The following DTD1 variants were observed in gnomAD, a reference collection of about 807,000 sequenced individuals.
The protein encoded by DTD1 is D-tyrosyl-tRNA deacylase 1 homolog.
DTD1 carries 13 observed loss-of-function variants against 25.6 expected under a neutral mutation model. The observed-to-expected ratio is 0.51, with a 90% CI of 0.33 to 0.81. DTD1 has a LOEUF of 0.81. Among genes scored for constraint, DTD1 ranks in the 30% least tolerant of loss-of-function variants. DTD1 has a pLI of 0.02. For missense variants in DTD1, 193 were observed against 266.4 expected (o/e 0.72, Z 1.92); for synonymous variants, 110 against 103.6 (o/e 1.06, Z -0.37).
intron 4 of DTD1, among the ~76,000 whole-genome samples, chr20:18,690,210 A>AT (rs1486636623): frequency 1.3e-5 from 2 of 149,794 alleles, no homozygotes; most frequent in Admixed American, 6.6e-5. Flanking sequence ...TGTCTTGTTG[A>AT]TTTTTTAAAA....
intron 4 of DTD1, among the ~76,000 whole-genome samples, chr20:18,660,460 A>T (rs1453147802): frequency 6.6e-6 from 1 of 152,110 alleles, no homozygotes; most frequent in Non-Finnish European, 1.5e-5. Context: ...AGCTCAAGTA[A>T]TCTGCCTGCC....
chr20:18,715,763 C>T (rs964734894), intron 4 of DTD1, among the ~76,000 whole-genome samples: 4 of 152,130 alleles, frequency 2.6e-5, no homozygotes, highest in African/African-American at 7.2e-5. Context: ...AAACATTTCC[C>T]ATAAACTCTA....
chr20:18,689,855 G>T (rs1034916195), intron 4 of DTD1, among the ~76,000 whole-genome samples: 1 of 152,184 alleles, frequency 6.6e-6, no homozygotes, highest in South Asian at 2.1e-4. Flanking sequence ...AATTTAAGCC[G>T]GGTATGGTGG....
chr20:18,598,847 C>T (rs2060622576), intron 3 of DTD1, among the ~76,000 whole-genome samples: 1 of 151,910 alleles, frequency 6.6e-6, no homozygotes, highest in Non-Finnish European at 1.5e-5. Flanking sequence ...ATCCTCTGTG[C>T]TCTGGCTATT....
intron 4 of DTD1, among the ~76,000 whole-genome samples, chr20:18,644,537 A>G (rs1397945353): frequency 6.6e-6 from 1 of 152,214 alleles, no homozygotes; most frequent in Non-Finnish European, 1.5e-5. Context: ...GGCTCAGCCA[A>G]CTTTTCTTTT....
At chr20:18,593,638 G>T in intron 1 of DTD1, 93 bp from the exon 2 acceptor site, 2 of 829,108 alleles carry the variant, frequency 2.4e-6, no homozygotes, top group Non-Finnish European at 4.1e-6. Flanking sequence ...TAAGAAGTAT[G>T]TATGATGTTT....
At chr20:18,707,781 T>TCTCTCACA (rs1290522002) in intron 4 of DTD1, among the ~76,000 whole-genome samples, 2 of 151,946 alleles carry the variant, frequency 1.3e-5, no homozygotes, top group Non-Finnish European at 2.9e-5. Flanking sequence ...ACTCACACAC[T>TCTCTCACA]CTCTCACACA....
At chr20:18,658,888 A>G (rs759916373) in intron 4 of DTD1, among the ~76,000 whole-genome samples, 1 of 152,196 alleles carries the variant, frequency 6.6e-6, no homozygotes, top group African/African-American at 2.4e-5. Context: ...CACTTAGAGA[A>G]GCAGCCCCCT....
At chr20:18,744,559 G>T (rs1256725277) in intron 5 of DTD1, among the ~76,000 whole-genome samples, 1 of 145,834 alleles carries the variant, frequency 6.9e-6, no homozygotes, top group Non-Finnish European at 1.5e-5. Context: ...AAGGCAAAAG[G>T]CATTTCTTAC....
chr20:18,687,945 A>G (rs1378058548), intron 4 of DTD1, among the ~76,000 whole-genome samples: 1 of 152,240 alleles, frequency 6.6e-6, no homozygotes, highest in African/African-American at 2.4e-5. Flanking sequence ...TGCCTTCTTA[A>G]TCTTTAAGCA....
chr20:18,659,366 G>A (rs62216974), intron 4 of DTD1, among the ~76,000 whole-genome samples: 176 of 152,182 alleles, frequency 1.2e-3, no homozygotes, highest in Middle Eastern at 3.4e-3. Context: ...TCGATTTGCA[G>A]ACTCTTTCCT....
chr20:18,662,609 A>G (rs2060915626), intron 4 of DTD1, among the ~76,000 whole-genome samples: 1 of 152,268 alleles, frequency 6.6e-6, no homozygotes. Flanking sequence ...GCTAATCAGT[A>G]GAGGAAAGGT....
chr20:18,695,560 T>A (rs60595952), intron 4 of DTD1, among the ~76,000 whole-genome samples: 1 of 11,762 alleles, frequency 8.5e-5, no homozygotes, highest in Non-Finnish European at 1.5e-4. Flanking sequence ...CCTTCCCTTC[T>A]CTTCCCCTCC....
chr20:18,645,613 C>T lies in DTD1; in HGVS notation c.477+17380C>T, dbSNP rs540083763. Among the ~76,000 whole-genome samples the T allele has an allele frequency of 3.9e-5, 6 of 152,292 alleles. No homozygotes were observed. In the East Asian group the frequency reaches 5.8e-4, roughly 15 times the overall value. ...ATAGTGGAATACTATACAAAGGAAC[C>T]ACAGAGGTTTCTTAACATTTACACT... On this transcript the variant is annotated intron_variant, in intron 4 of 5. Transcript: ENST00000377452.
At chr20:18,646,881 C>T (rs1007744901) in intron 4 of DTD1, among the ~76,000 whole-genome samples, 6 of 152,130 alleles carry the variant, frequency 3.9e-5, no homozygotes, top group African/African-American at 9.7e-5. Flanking sequence ...AATCAGATGT[C>T]GAGAGAGGAG....
intron 5 of DTD1, among the ~76,000 whole-genome samples, chr20:18,757,171 C>T (rs1329141680): frequency 1.3e-5 from 2 of 152,196 alleles, no homozygotes; most frequent in Non-Finnish European, 2.9e-5. Flanking sequence ...AGATTTTGGG[C>T]TGACATGATG....
intron 3 of DTD1, among the ~76,000 whole-genome samples, chr20:18,621,639 T>TA (rs2060734305): frequency 6.6e-6 from 1 of 152,236 alleles, no homozygotes; most frequent in South Asian, 2.1e-4. Flanking sequence ...ATAAAAATCT[T>TA]ATGTATTTTT....
At chr20:18,705,857 G>GT (rs1383576450) in intron 4 of DTD1, among the ~76,000 whole-genome samples, 1 of 152,288 alleles carries the variant, frequency 6.6e-6, no homozygotes, top group African/African-American at 2.4e-5. Flanking sequence ...CTCATTTGCT[G>GT]TTTTTTGAGC....
chr20:18,696,367 A>G (rs1415762375), intron 4 of DTD1, among the ~76,000 whole-genome samples: 1 of 151,844 alleles, frequency 6.6e-6, no homozygotes, highest in East Asian at 1.9e-4. Context: ...TGTAGTTTCC[A>G]CGTCTTTCTC....
Sources: allele counts gnomAD v4.1 joint callset (sites outside exome capture counted in the v4.1 genomes callset), GRCh38; gene constraint gnomAD v4.1.1; transcripts MANE v1.5; gene names NCBI Gene and HGNC (gene_info 2026-07-23, HGNC 2026-07-21).